The following DYNC1I1 variants were observed in gnomAD, a reference collection of about 807,000 sequenced individuals.
The protein encoded by DYNC1I1 is cytoplasmic dynein 1 intermediate chain 1.
A neutral mutation model predicts 86.6 loss-of-function variants in DYNC1I1; 43 were observed. The observed-to-expected ratio is 0.50, with a 90% CI of 0.39 to 0.64. The LOEUF is 0.64. Ranked by LOEUF, DYNC1I1 falls within the 30% of genes least tolerant of loss-of-function variation. The probability of loss-of-function intolerance (pLI) is 0.00; values close to 1 mark genes in which losing one functional copy is unlikely to be tolerated. For synonymous variants in DYNC1I1, 262 were observed against 283.7 expected (o/e 0.92, Z 0.77); for missense variants, 604 against 788.8 (o/e 0.77, Z 2.81).
chr7:95,949,813 A>G (rs958446295), intron 6 of DYNC1I1, among the ~76,000 whole-genome samples: 2 of 152,202 alleles, frequency 1.3e-5, no homozygotes, highest in Admixed American at 6.5e-5. Context: ...TTAAAAAGCA[A>G]CATCCATCAT....
intron 9 of DYNC1I1, among the ~76,000 whole-genome samples, chr7:95,991,860 T>TTATG (rs1275507839): frequency 6.6e-6 from 1 of 152,010 alleles, no homozygotes; most frequent in Non-Finnish European, 1.5e-5. Flanking sequence ...GCTTCCATGC[T>TTATG]TATTTATTTA....
chr7:95,812,008 A>C (rs1253875363), intron 3 of DYNC1I1, among the ~76,000 whole-genome samples: 1 of 152,122 alleles, frequency 6.6e-6, no homozygotes, highest in East Asian at 1.9e-4. Context: ...GTATCCTTGC[A>C]TTACTGCCAA....
intron 1 of DYNC1I1, among the ~76,000 whole-genome samples, chr7:95,794,482 G>T (rs1366558761): frequency 6.6e-6 from 1 of 152,134 alleles, no homozygotes; most frequent in African/African-American, 2.4e-5. Context: ...CACCATAGGG[G>T]TCAGAAATTA....
At chr7:96,014,094 A>G (rs1428011802) in intron 10 of DYNC1I1, among the ~76,000 whole-genome samples, 1 of 152,152 alleles carries the variant, frequency 6.6e-6, no homozygotes, top group Non-Finnish European at 1.5e-5. Flanking sequence ...AAACAGCTTA[A>G]TGACATTCAA....
At chr7:95,883,358 A>C (rs570814322) in intron 6 of DYNC1I1, among the ~76,000 whole-genome samples, 1 of 152,288 alleles carries the variant, frequency 6.6e-6, no homozygotes, top group South Asian at 2.1e-4. Flanking sequence ...TGAGAGACAC[A>C]GCATTTTAAA....
intron 14 of DYNC1I1, among the ~76,000 whole-genome samples, chr7:96,040,105 A>G (rs964305896): frequency 2.0e-5 from 3 of 151,948 alleles, no homozygotes; most frequent in Non-Finnish European, 4.4e-5. Context: ...ATGGTGGTAC[A>G]TGCCTGTAGT....
In DYNC1I1 at chr7:96,007,882, G is replaced by T. The variant is rs142045919; in HGVS notation, c.969+11809G>T. On this transcript the variant is annotated intron_variant, in intron 10 of 16. Coordinates refer to ENST00000447467, the MANE Select transcript of DYNC1I1 (RefSeq NM_001135556.2). Reference sequence around the variant, plus strand: ...TATGCCCAAAGCCTGTTTATTTGGGGACTGAATTCTCACTGGCTCTGAGCC... The same window carrying T: ...TATGCCCAAAGCCTGTTTATTTGGGTACTGAATTCTCACTGGCTCTGAGCC... Among the ~76,000 whole-genome samples the T allele has an allele frequency of 4.2e-3, 633 of 152,262 alleles. 7 individuals carry two copies. The highest frequency in any genetic ancestry group is 0.015 in the African/African-American group (605 of 41,542).
intron 6 of DYNC1I1, among the ~76,000 whole-genome samples, chr7:95,915,099 A>G (rs187817172): frequency 7.4e-4 from 113 of 152,300 alleles, no homozygotes; most frequent in Non-Finnish European, 1.4e-3. Context: ...ATGTGCCAGC[A>G]TTTCCTTCAT....
intron 6 of DYNC1I1, among the ~76,000 whole-genome samples, chr7:95,924,448 T>A (rs1281036891): frequency 6.6e-6 from 1 of 152,198 alleles, no homozygotes; most frequent in East Asian, 1.9e-4. Flanking sequence ...TGTTGGATTG[T>A]TATTAGAGTA....
At chr7:96,059,442 G>A (rs980093141) in intron 14 of DYNC1I1, among the ~76,000 whole-genome samples, 2 of 152,108 alleles carry the variant, frequency 1.3e-5, no homozygotes, top group Non-Finnish European at 2.9e-5. Flanking sequence ...GGTACATCAG[G>A]GGACTCAAAT....
chr7:95,904,940 G>A (rs1407427678), intron 6 of DYNC1I1, among the ~76,000 whole-genome samples: 1 of 152,172 alleles, frequency 6.6e-6, no homozygotes, highest in Non-Finnish European at 1.5e-5. Context: ...GTTTCAGAAT[G>A]CTGAAGTTGC....
At chr7:95,884,117 G>C (rs1201958397) in intron 6 of DYNC1I1, among the ~76,000 whole-genome samples, 1 of 152,154 alleles carries the variant, frequency 6.6e-6, no homozygotes, top group Non-Finnish European at 1.5e-5. Context: ...TTCCTCCACA[G>C]TCAGTCTTCT....
At chr7:95,779,487 A>G (rs979191348) in intron 1 of DYNC1I1, among the ~76,000 whole-genome samples, 4 of 152,220 alleles carry the variant, frequency 2.6e-5, no homozygotes, top group Non-Finnish European at 5.9e-5. Context: ...TCTTTTTACG[A>G]TCAAACAGCA....
At chr7:95,815,374 A>C (rs901640314) in intron 4 of DYNC1I1, among the ~76,000 whole-genome samples, 10 of 152,148 alleles carry the variant, frequency 6.6e-5, no homozygotes, top group Admixed American at 6.6e-4. Flanking sequence ...CCTCCTGCAA[A>C]GTGCAGGTTT....
At chr7:96,039,981 C>T (rs1788987982) in intron 14 of DYNC1I1, among the ~76,000 whole-genome samples, 1 of 152,018 alleles carries the variant, frequency 6.6e-6, no homozygotes, top group South Asian at 2.1e-4. Context: ...CATCTGTAAT[C>T]CCAGCACTTT....
chr7:95,827,165 T>A (rs1016515960), intron 4 of DYNC1I1, among the ~76,000 whole-genome samples: 3 of 152,176 alleles, frequency 2.0e-5, no homozygotes, highest in African/African-American at 4.8e-5. Flanking sequence ...ACGCTCAATG[T>A]CACACAGCTG....
chr7:96,100,037 G>A (rs1013709288), downstream of DYNC1I1, among the ~76,000 whole-genome samples: 6 of 152,164 alleles, frequency 3.9e-5, no homozygotes, highest in Admixed American at 6.5e-5. Flanking sequence ...GTGGTAGCCA[G>A]AAAGATGTGC....
intron 5 of DYNC1I1, among the ~76,000 whole-genome samples, chr7:95,856,843 G>A (rs1007769549): frequency 5.9e-5 from 9 of 152,132 alleles, no homozygotes; most frequent in African/African-American, 2.2e-4. Flanking sequence ...GCAGGGCGTG[G>A]TGGCAGGCGC....
chr7:96,045,064 G>A (rs1035706615), intron 14 of DYNC1I1, among the ~76,000 whole-genome samples: 1 of 152,152 alleles, frequency 6.6e-6, no homozygotes, highest in African/African-American at 2.4e-5. Context: ...GGACAAGAAA[G>A]CTTCTGATGT....
Sources: gnomAD v4.1 joint callset for allele counts (sites outside exome capture counted in the v4.1 genomes callset) on GRCh38, gnomAD v4.1.1 for gene constraint, MANE v1.5 for transcripts, NCBI Gene and HGNC (gene_info 2026-07-23, HGNC 2026-07-21) for gene names.